The following MS4A12 variants were observed in gnomAD, a reference collection of about 807,000 sequenced individuals.
The protein encoded by MS4A12 is membrane spanning 4-domains A12.
In MS4A12, 28 loss-of-function variants were observed where a neutral mutation model predicts 23.7. The observed-to-expected ratio is 1.18, with a 90% CI of 0.88 to 1.62. The LOEUF is 1.62. Among genes scored for constraint, MS4A12 ranks in the 40% most tolerant of loss-of-function variants. MS4A12 has a pLI of 0.00. For synonymous variants in MS4A12, 108 were observed against 110.1 expected (o/e 0.98, Z 0.12); for missense variants, 342 against 327.0 (o/e 1.05, Z -0.35).
chr11:60,495,703 G>T (rs2086483041), intron 1 of MS4A12, among the ~76,000 whole-genome samples: 1 of 152,144 alleles, frequency 6.6e-6, no homozygotes, highest in South Asian at 2.1e-4. Flanking sequence ...CCAAGTTCAT[G>T]TTCCTAAACA....
intron 1 of MS4A12, among the ~76,000 whole-genome samples, chr11:60,495,128 G>A (rs1450913782): frequency 7.9e-6 from 1 of 126,930 alleles, no homozygotes; most frequent in African/African-American, 3.0e-5. Context: ...ATGTAGCTGG[G>A]ACTACAGGCG....
chr11:60,503,557 G>A, intron 4 of MS4A12, 144 bp from the exon 5 acceptor site: 1 of 647,008 alleles, frequency 1.5e-6, no homozygotes, highest in Non-Finnish European at 2.6e-6. Context: ...TAATTACCCA[G>A]AAGGGCAGAA....
chr11:60,502,015 A>G lies in MS4A12; in HGVS notation c.447A>G (p.Ala149=), dbSNP rs911661661. ...FIISGSLSVS[A]SKELSRCLVK... ...TCTCTGGCTCTCTCTCTGTGTCAGC[A>G]TCCAAGGAGCTTTCCCGTTGTCTGG... Residue 149 remains alanine, a synonymous_variant, in exon 4 of 7, where the codon GCA becomes GCG. Transcript: ENST00000016913. 13 of 1,613,084 alleles carry G rather than the reference A, an allele frequency of 8.1e-6. No homozygotes were observed. Among genetic ancestry groups the G allele is most frequent in the Admixed American group, 6.7e-5 (4 of 60,000 alleles).
chr11:60,506,792 G>A lies in MS4A12; in HGVS notation c.653G>A (p.Cys218Tyr). 6.2e-7 allele frequency: 1 copy of A among 1,614,160 alleles called. No individual in the cohort carries two copies. Among genetic ancestry groups the A allele is most frequent in the Non-Finnish European group, 8.5e-7 (1 of 1,180,000 alleles). ...TCCCTCTTGGAGTTCTTCGTAGCTT[G>A]TGCCACAGCCCATTTTGCCAACCAA... Reference protein sequence around the residue: ...IFSLLEFFVACATAHFANQAN... With the variant: ...IFSLLEFFVAYATAHFANQAN... The change falls in exon 6 of 7, where the codon TGT becomes TAT. Residue 218 changes from cysteine (C) to tyrosine (Y), a missense_variant. Coordinates refer to ENST00000016913, the MANE Select transcript of MS4A12 (RefSeq NM_017716.3).
chr11:60,499,567 T>C (rs1239637006), intron 2 of MS4A12, among the ~76,000 whole-genome samples: 2 of 152,234 alleles, frequency 1.3e-5, no homozygotes, highest in African/African-American at 2.4e-5. Flanking sequence ...ATGGTATGTG[T>C]GTGTATGAAT....
Position 60,506,803 on chromosome 11 carries a change from C to T in MS4A12, c.664C>T (p.His222Tyr), listed in dbSNP as rs573431813. ...GTTCTTCGTAGCTTGTGCCACAGCC[C>T]ATTTTGCCAACCAAGCAAACACCAC... ...LEFFVACATA[H>Y]FANQANTTTN... Residue 222 changes from histidine (H) to tyrosine (Y), a missense_variant, in exon 6 of 7, where the codon CAT (histidine) becomes TAT (tyrosine). Physicochemically the swap from His to Tyr is moderately conservative, Grantham distance 83. Coordinates refer to ENST00000016913, the MANE Select transcript of MS4A12 (RefSeq NM_017716.3). 130 of 1,614,146 alleles carry T rather than the reference C, an allele frequency of 8.1e-5. No homozygotes were observed. The South Asian group carries it at 1.3e-3, about 16-fold the overall frequency.
chr11:60,497,169 T>C (rs1213144100), intron 1 of MS4A12, 144 bp from the exon 2 acceptor site: 64 of 1,005,878 alleles, frequency 6.4e-5, no homozygotes, highest in Non-Finnish European at 7.4e-5. Flanking sequence ...ATGAGAATCA[T>C]GTTTCTATCA....
At position 60,501,158 on chromosome 11, in the gene MS4A12, A is replaced by T. The variant is rs2086527498; in HGVS notation, c.390A>T (p.Gly130=). ...TTGCCTCTACTGCTGTTATTGGTGG[A>T]TACCCATTCTGGGGTGGCCTTTCTG... is the stretch of plus-strand genomic sequence containing the variant. ...LGFASTAVIG[G]YPFWGGLSFI... is the part of the protein sequence containing the mutation. Residue 130 remains glycine (G), a synonymous_variant, in exon 3 of 7, where the codon GGA becomes GGT. Transcript: ENST00000016913. 6.2e-7 allele frequency: 1 copy of T among 1,611,854 alleles called. No homozygotes were observed. Among genetic ancestry groups the T allele is most frequent in the African/African-American group, 1.3e-5 (1 of 74,734 alleles).
intron 1 of MS4A12, among the ~76,000 whole-genome samples, chr11:60,495,930 T>C (rs2086484632): frequency 6.6e-6 from 1 of 152,196 alleles, no homozygotes; most frequent in Non-Finnish European, 1.5e-5. Flanking sequence ...TCACCAAGGC[T>C]GGCCTGGAAA....
chr11:60,499,562 ATG>A (rs2086514695), intron 2 of MS4A12, among the ~76,000 whole-genome samples: 1 of 152,224 alleles, frequency 6.6e-6, no homozygotes, highest in Non-Finnish European at 1.5e-5. Flanking sequence ...AAAGTATGGT[ATG>A]TGTGTGTATG....
intron 5 of MS4A12, among the ~76,000 whole-genome samples, chr11:60,504,165 TTTTGTTAAAC>T (rs1425199761): frequency 6.6e-6 from 1 of 152,204 alleles, no homozygotes; most frequent in Non-Finnish European, 1.5e-5. Flanking sequence ...ATTGAGTGTT[TTTTGTTAAAC>T]TTCAGAGTAA....
At chr11:60,506,576 T>A in intron 5 of MS4A12, 152 bp from the exon 6 acceptor site, 1 of 547,314 alleles carries the variant, frequency 1.8e-6, no homozygotes, top group Non-Finnish European at 3.2e-6. Context: ...AAATTCACAC[T>A]CCTCTGGAAC....
At chr11:60,506,368 A>G (rs981422358) in intron 5 of MS4A12, among the ~76,000 whole-genome samples, 7 of 152,100 alleles carry the variant, frequency 4.6e-5, no homozygotes, top group Non-Finnish European at 1.0e-4. Flanking sequence ...AATTTTGGTT[A>G]TTTCTAAACA....
intron 2 of MS4A12, among the ~76,000 whole-genome samples, chr11:60,499,143 A>G (rs1565203995): frequency 6.6e-6 from 1 of 152,014 alleles, no homozygotes; most frequent in African/African-American, 2.4e-5. Context: ...CTCTCTGAAG[A>G]TTTGTTATTT....
In MS4A12 at chr11:60,497,536, T is replaced by G; in HGVS notation, c.218T>G (p.Ile73Arg). ...CCGGGTCAAGGAAATATACAAATGA[T>G]AAATCCAAGTGTGGGAACAGCAGTA... Reference protein sequence around the residue: ...SQPGQGNIQMINPSVGTAVMN... With the variant: ...SQPGQGNIQMRNPSVGTAVMN... Residue 73 changes from isoleucine to arginine, a missense_variant, in exon 2 of 7, where the codon ATA (isoleucine) becomes AGA (arginine). Coordinates refer to ENST00000016913, the MANE Select transcript of MS4A12 (RefSeq NM_017716.3). 1.9e-6 allele frequency: 3 copies of G among 1,614,068 alleles called. No homozygotes were observed. The highest frequency in any genetic ancestry group is 2.5e-6 in the Non-Finnish European group (3 of 1,179,948).
In MS4A12 at chr11:60,506,813, A is replaced by G; in HGVS notation, c.674A>G (p.Asn225Ser). The change falls in exon 6 of 7, where the codon AAC becomes AGC. Residue 225 changes from asparagine to serine, a missense_variant. Asn to Ser is a conservative substitution (Grantham distance 46). Coordinates refer to ENST00000016913, the MANE Select transcript of MS4A12 (RefSeq NM_017716.3). Reference sequence around the variant, plus strand: ...GCTTGTGCCACAGCCCATTTTGCCAACCAAGCAAACACCACAACCAATATG... The same window carrying G: ...GCTTGTGCCACAGCCCATTTTGCCAGCCAAGCAAACACCACAACCAATATG... ...FVACATAHFA[N>S]QANTTTNMSV... The G allele has an allele frequency of 6.2e-7, 1 of 1,613,964 alleles. No homozygotes were observed. The highest frequency in any genetic ancestry group is 1.7e-5 in the Admixed American group (1 of 60,034).
chr11:60,493,984 T>A (rs879721104), intron 1 of MS4A12, among the ~76,000 whole-genome samples: 1 of 152,102 alleles, frequency 6.6e-6, no homozygotes, highest in Non-Finnish European at 1.5e-5. Context: ...ATTCTTATTT[T>A]TAAAAAAAGG....
chr11:60,497,664 T>A, intron 2 of MS4A12, 70 bp downstream of exon 2: 1 of 1,500,426 alleles, frequency 6.7e-7, no homozygotes, highest in Non-Finnish European at 9.2e-7. Flanking sequence ...TAGGAGAGTA[T>A]CATCCAATTG....
In MS4A12 at chr11:60,497,491, G is replaced by A. The variant is rs2086497281; in HGVS notation, c.173G>A (p.Gly58Glu). 1.2e-6 allele frequency: 2 copies of A among 1,614,042 alleles called. No individual in the cohort carries two copies. Among genetic ancestry groups the A allele is most frequent in the Non-Finnish European group, 1.7e-6 (2 of 1,180,036 alleles). Residue 58 changes from glycine (G) to glutamate (E), a missense_variant, in exon 2 of 7, where the codon GGA becomes GAA. By Grantham distance (98) the Gly-to-Glu change is moderately conservative. Coordinates refer to ENST00000016913, the MANE Select transcript of MS4A12 (RefSeq NM_017716.3). ...RAQPYGITSPGIFASSQPGQG... is the reference protein window; with the variant it reads ...RAQPYGITSPEIFASSQPGQG... ...CAGCCCTACGGCATCACATCTCCGG[G>A]AATCTTTGCTAGCAGTCAACCGGGT...
Sources: allele counts gnomAD v4.1 joint callset (sites outside exome capture counted in the v4.1 genomes callset), GRCh38; gene constraint gnomAD v4.1.1; transcripts MANE v1.5; gene names NCBI Gene and HGNC (gene_info 2026-07-23, HGNC 2026-07-21).